RBFOX1: variants seen among roughly 807,000 people sequenced by gnomAD.
The protein encoded by RBFOX1 is RNA binding fox-1 homolog 1, also known as RNA binding protein fox-1 homolog 1.
Under a neutral mutation model 57.7 loss-of-function variants are expected in RBFOX1, and 8 were observed. That is an observed-to-expected ratio of 0.14 (90% CI 0.08 to 0.25). RBFOX1 has a LOEUF of 0.25. Ranked by LOEUF, RBFOX1 falls within the 10% of genes least tolerant of loss-of-function variation. The probability of loss-of-function intolerance (pLI) is 1.00; values close to 1 mark genes in which losing one functional copy is unlikely to be tolerated. For synonymous variants in RBFOX1, 326 were observed against 222.4 expected (o/e 1.47, Z -4.15); for missense variants, 611 against 548.5 (o/e 1.11, Z -1.14).
At chr16:5,761,360 T>G (rs1167937003) in intron 3 of RBFOX1, among the ~76,000 whole-genome samples, 1 of 152,200 alleles carries the variant, frequency 6.6e-6, no homozygotes, top group Admixed American at 6.5e-5. Flanking sequence ...TGCTGTTTGG[T>G]AGTTATTTAT....
chr16:6,927,844 G>T (rs1197805126), intron 3 of RBFOX1, among the ~76,000 whole-genome samples: 1 of 152,128 alleles, frequency 6.6e-6, no homozygotes, highest in Non-Finnish European at 1.5e-5. Context: ...AGAAAATGTG[G>T]ATCTCACAAC....
intron 1 of RBFOX1, among the ~76,000 whole-genome samples, chr16:6,136,310 C>G (rs1181027933): frequency 1.3e-5 from 2 of 152,098 alleles, no homozygotes; most frequent in African/African-American, 4.8e-5. Flanking sequence ...TTGACTTTGC[C>G]TTTGATACAA....
At chr16:6,802,318 C>T (rs115026973) in intron 3 of RBFOX1, among the ~76,000 whole-genome samples, 4,336 of 152,166 alleles carry the variant, frequency 0.028, 211 homozygotes, top group African/African-American at 0.097. Flanking sequence ...TCCTGTTGTG[C>T]TTCTCTGGGA....
At chr16:5,878,961 A>G (rs1469689157) in intron 4 of RBFOX1, among the ~76,000 whole-genome samples, 3 of 152,196 alleles carry the variant, frequency 2.0e-5, no homozygotes, top group Middle Eastern at 3.2e-3. Flanking sequence ...CGCGTTTTAC[A>G]TGTTAATTTG....
intron 2 of RBFOX1, among the ~76,000 whole-genome samples, chr16:6,507,216 C>A (rs1050513983): frequency 2.0e-5 from 3 of 152,250 alleles, no homozygotes; most frequent in African/African-American, 7.2e-5. Flanking sequence ...TCCTCCAATC[C>A]ATTATACACA....
At chr16:6,788,999 T>C (rs2082450995) in intron 3 of RBFOX1, among the ~76,000 whole-genome samples, 1 of 152,136 alleles carries the variant, frequency 6.6e-6, no homozygotes, top group African/African-American at 2.4e-5. Context: ...CCCTGAAAAG[T>C]CACTTCTGGA....
At chr16:6,679,322 A>G (rs542706503) in intron 3 of RBFOX1, among the ~76,000 whole-genome samples, 1 of 152,250 alleles carries the variant, frequency 6.6e-6, no homozygotes, top group South Asian at 2.1e-4. Flanking sequence ...AGGAGAAGAT[A>G]ACAATGACGA....
intron 1 of RBFOX1, among the ~76,000 whole-genome samples, chr16:5,457,737 C>G (rs1362201080): frequency 2.0e-5 from 3 of 152,168 alleles, no homozygotes; most frequent in African/African-American, 7.2e-5. Flanking sequence ...CCTGCTGGGG[C>G]CCAGTGTGAC....
intron 4 of RBFOX1, among the ~76,000 whole-genome samples, chr16:7,303,794 C>A (rs1014624446): frequency 6.6e-6 from 1 of 150,928 alleles, no homozygotes; most frequent in African/African-American, 2.4e-5. Flanking sequence ...TCTCTCCCCT[C>A]CCTCTCTCTT....
At chr16:5,850,246 A>C (rs2056861581) in intron 3 of RBFOX1, among the ~76,000 whole-genome samples, 1 of 152,130 alleles carries the variant, frequency 6.6e-6, no homozygotes, top group Non-Finnish European at 1.5e-5. Flanking sequence ...GAGAAAAGTG[A>C]GTGAGTCTGA....
intron 2 of RBFOX1, among the ~76,000 whole-genome samples, chr16:5,546,741 A>C (rs2045222514): frequency 1.3e-5 from 2 of 152,222 alleles, no homozygotes; most frequent in African/African-American, 4.8e-5. Flanking sequence ...CCTATTAAAA[A>C]TGGATAAATT....
intron 4 of RBFOX1, among the ~76,000 whole-genome samples, chr16:7,232,385 G>A (rs986336550): frequency 1.3e-5 from 2 of 152,170 alleles, no homozygotes; most frequent in Non-Finnish European, 2.9e-5. Context: ...AGATGCCTAT[G>A]TCTTTAGGTT....
At chr16:7,105,606 G>A (rs12709176) in intron 4 of RBFOX1, among the ~76,000 whole-genome samples, 3 of 151,696 alleles carry the variant, frequency 2.0e-5, no homozygotes, top group Non-Finnish European at 4.4e-5. Context: ...GAGTTAGTCT[G>A]CAATCTCATC....
At chr16:6,997,024 A>C (rs1396087607) in intron 3 of RBFOX1, among the ~76,000 whole-genome samples, 1 of 152,144 alleles carries the variant, frequency 6.6e-6, no homozygotes, top group African/African-American at 2.4e-5. Flanking sequence ...ATATATGTTT[A>C]TATTTATATG....
chr16:7,415,361 C>G (rs966986958), intron 4 of RBFOX1, among the ~76,000 whole-genome samples: 1 of 152,166 alleles, frequency 6.6e-6, no homozygotes, highest in Non-Finnish European at 1.5e-5. Context: ...TATCAAAATA[C>G]AGATCTAGAG....
intron 4 of RBFOX1, among the ~76,000 whole-genome samples, chr16:7,412,354 G>T (rs955292882): frequency 3.3e-5 from 5 of 149,348 alleles, no homozygotes; most frequent in Non-Finnish European, 5.9e-5. Context: ...GCTAGAGGTT[G>T]CAGGGAGCCG....
chr16:5,418,229 A>T (rs986285811), intron 1 of RBFOX1, among the ~76,000 whole-genome samples: 1 of 152,168 alleles, frequency 6.6e-6, no homozygotes, highest in African/African-American at 2.4e-5. Context: ...ATTGGCAAGC[A>T]TATTAGAGTG....
At chr16:6,731,810 A>G (rs993253551) in intron 3 of RBFOX1, among the ~76,000 whole-genome samples, 4 of 151,952 alleles carry the variant, frequency 2.6e-5, no homozygotes, top group African/African-American at 7.3e-5. Context: ...GCTGTTTCCT[A>G]CCTTCCAAAA....
chr16:6,405,622 TA>T (rs1394765558), intron 2 of RBFOX1, among the ~76,000 whole-genome samples: 125 of 152,172 alleles, frequency 8.2e-4, no homozygotes, highest in East Asian at 1.4e-3. Flanking sequence ...TGCTCTTCTG[TA>T]GCCATAAAGG....
Sources: gnomAD v4.1 joint callset for allele counts (sites outside exome capture counted in the v4.1 genomes callset) on GRCh38, gnomAD v4.1.1 for gene constraint, MANE v1.5 for transcripts, NCBI Gene and HGNC (gene_info 2026-07-23, HGNC 2026-07-21) for gene names.